TOGARAM1: variants seen among roughly 807,000 people sequenced by gnomAD.
The protein encoded by TOGARAM1 is TOG array regulator of axonemal microtubules 1.
In TOGARAM1, 100 loss-of-function variants were observed where a neutral mutation model predicts 166.6. That is an observed-to-expected ratio of 0.60 (90% CI 0.51 to 0.71). TOGARAM1 has a LOEUF of 0.71. Ranked by LOEUF, TOGARAM1 falls within the 30% of genes least tolerant of loss-of-function variation. TOGARAM1 has a pLI of 0.00. For missense variants in TOGARAM1, 2,029 were observed against 2,102.7 expected (o/e 0.96, Z 0.69); for synonymous variants, 758 against 763.8 (o/e 0.99, Z 0.13).
chr14:44,967,459 C>T (rs1038536601), intron 1 of TOGARAM1, among the ~76,000 whole-genome samples: 3 of 152,034 alleles, frequency 2.0e-5, no homozygotes, highest in Non-Finnish European at 4.4e-5. Context: ...AGAATTATTC[C>T]ACAGTCAGAA....
intron 14 of TOGARAM1, among the ~76,000 whole-genome samples, chr14:45,051,553 CTTTT>C (rs1015760925): frequency 2.2e-5 from 2 of 90,042 alleles, no homozygotes; most frequent in Admixed American, 1.3e-4. Flanking sequence ...CCAACAGATG[CTTTT>C]TTTTTTTTTT....
chr14:45,004,066 G>C lies in TOGARAM1; in HGVS notation c.2344G>C (p.Ala782Pro). Residue 782 changes from alanine (A) to proline (P), a missense_variant, in exon 4 of 20, where the codon GCT becomes CCT. Physicochemically the swap from Ala to Pro is conservative, Grantham distance 27 (BLOSUM62 -1). Coordinates refer to ENST00000361462, the MANE Select transcript of TOGARAM1 (RefSeq NM_001308120.2). ...TTSSHQEKVY[A>P]SLNFGSKTQQ... is the part of the protein sequence containing the mutation. Reference sequence around the variant, plus strand: ...TATCTTTTGTTTTATTACAGTGTATGCTAGCCTCAATTTTGGCAGTAAGAC... The same window carrying C: ...TATCTTTTGTTTTATTACAGTGTATCCTAGCCTCAATTTTGGCAGTAAGAC... 6.2e-7 allele frequency: 1 copy of C among 1,613,560 alleles called. No homozygotes were observed. The highest frequency in any genetic ancestry group is 8.5e-7 in the Non-Finnish European group (1 of 1,179,708).
chr14:45,027,715 T>C (rs1448645479), intron 9 of TOGARAM1, among the ~76,000 whole-genome samples: 1 of 151,646 alleles, frequency 6.6e-6, no homozygotes, highest in East Asian at 1.9e-4. Flanking sequence ...CTAGGAAAAA[T>C]ACAAAAATGT....
chr14:45,073,159 C>T (rs933198973), intron 19 of TOGARAM1, 137 bp from the exon 20 acceptor site: 1 of 801,760 alleles, frequency 1.2e-6, no homozygotes, highest in South Asian at 2.1e-5. Flanking sequence ...TCTTACATTG[C>T]TTCTTTTAAG....
Position 45,009,139 on chromosome 14 carries a change from G to GA in TOGARAM1, c.3133dup (p.Ile1045AsnfsTer30), listed in dbSNP as rs1358350457. 1 of 1,606,422 alleles carries GA rather than the reference G, an allele frequency of 6.2e-7. No homozygotes were observed. Among genetic ancestry groups the GA allele is most frequent in the Admixed American group, 1.7e-5 (1 of 59,414 alleles). On this transcript the variant is annotated frameshift_variant, in exon 6 of 20. Transcript: ENST00000361462. LOFTEE classifies it high-confidence loss of function. ...CTGTCTACAACTCCCCAGGGGAAGA[G>GA]AATAATGTATTTTATTTTTTGACGT...
intron 7 of TOGARAM1, among the ~76,000 whole-genome samples, chr14:45,018,370 A>G (rs770676655): frequency 6.6e-6 from 1 of 151,958 alleles, no homozygotes; most frequent in African/African-American, 2.4e-5. Flanking sequence ...CACCCTAGTA[A>G]CTGGGATTAC....
At chr14:45,063,292 G>A (rs563784614) in intron 16 of TOGARAM1, among the ~76,000 whole-genome samples, 8 of 152,190 alleles carry the variant, frequency 5.3e-5, no homozygotes, top group Non-Finnish European at 8.8e-5. Flanking sequence ...TCTTGGATGT[G>A]TAGGAGTGGA....
chr14:45,038,415 G>A (rs968381725), intron 11 of TOGARAM1, among the ~76,000 whole-genome samples: 6 of 152,206 alleles, frequency 3.9e-5, no homozygotes, highest in Admixed American at 1.3e-4. Context: ...ACAGAGCGGC[G>A]AGGGGTGCAT....
chr14:45,053,854 A>T (rs1385573705), intron 15 of TOGARAM1, among the ~76,000 whole-genome samples: 1 of 152,088 alleles, frequency 6.6e-6, no homozygotes, highest in Non-Finnish European at 1.5e-5. Context: ...TAAGAAGAGT[A>T]GTTACGAAAT....
intron 6 of TOGARAM1, 103 bp from the exon 7 acceptor site, chr14:45,011,872 C>A: frequency 1.3e-6 from 1 of 747,956 alleles, no homozygotes; most frequent in Non-Finnish European, 2.2e-6. Context: ...CCCTTATTAT[C>A]TAAAAGGTCT....
At chr14:45,003,329 C>T (rs1309650001) in intron 3 of TOGARAM1, among the ~76,000 whole-genome samples, 1 of 151,312 alleles carries the variant, frequency 6.6e-6, no homozygotes, top group African/African-American at 2.4e-5. Flanking sequence ...AAGGGAACCC[C>T]TAAAAGATTA....
chr14:45,026,646 T>C (rs1438322992), intron 8 of TOGARAM1, among the ~76,000 whole-genome samples: 1 of 152,140 alleles, frequency 6.6e-6, no homozygotes, highest in Non-Finnish European at 1.5e-5. Context: ...CTTTACTTTA[T>C]ACAGATCCTT....
intron 16 of TOGARAM1, among the ~76,000 whole-genome samples, chr14:45,065,507 G>A (rs180862928): frequency 4.2e-4 from 64 of 152,276 alleles, no homozygotes; most frequent in Non-Finnish European, 6.9e-4. Flanking sequence ...GGCTGCATGC[G>A]ACCTGCAGAC....
intron 1 of TOGARAM1, among the ~76,000 whole-genome samples, chr14:44,973,396 C>T (rs944861919): frequency 3.3e-5 from 5 of 152,036 alleles, no homozygotes; most frequent in Non-Finnish European, 7.4e-5. Flanking sequence ...TTCTTCCTCC[C>T]TGTCACCTGT....
chr14:44,992,314 A>G (rs1433495993), intron 1 of TOGARAM1, among the ~76,000 whole-genome samples: 1 of 152,060 alleles, frequency 6.6e-6, no homozygotes, highest in Non-Finnish European at 1.5e-5. Context: ...ATGGGAATAA[A>G]CTTGTTTAAT....
chr14:45,071,858 G>A, intron 19 of TOGARAM1, 60 bp downstream of exon 19: 1 of 1,295,432 alleles, frequency 7.7e-7, no homozygotes, highest in Non-Finnish European at 1.1e-6. Flanking sequence ...CTGATAAACT[G>A]TTTCAATTTA....
intron 3 of TOGARAM1, among the ~76,000 whole-genome samples, chr14:45,000,812 C>T (rs1362338377): frequency 5.3e-5 from 8 of 152,160 alleles, no homozygotes; most frequent in Admixed American, 4.6e-4. Context: ...TGGCTCACTG[C>T]AGCCTCGACC....
intron 8 of TOGARAM1, 92 bp from the exon 9 acceptor site, chr14:45,027,207 T>C: frequency 7.9e-7 from 1 of 1,258,598 alleles, no homozygotes; most frequent in Non-Finnish European, 1.1e-6. Flanking sequence ...TGTTGTTTGA[T>C]TCTTGAAGGC....
intron 5 of TOGARAM1, among the ~76,000 whole-genome samples, chr14:45,008,487 T>A (rs1019741651): frequency 6.6e-6 from 1 of 152,172 alleles, no homozygotes; most frequent in Non-Finnish European, 1.5e-5. Context: ...AAACATCAAA[T>A]TTTTGAAAAC....
Sources: gnomAD v4.1 joint callset for allele counts (sites outside exome capture counted in the v4.1 genomes callset) on GRCh38, gnomAD v4.1.1 for gene constraint, MANE v1.5 for transcripts, NCBI Gene and HGNC (gene_info 2026-07-23, HGNC 2026-07-21) for gene names.